Variants in ALDH5A1 observed in about 807,000 individuals in gnomAD.
The protein encoded by ALDH5A1 is aldehyde dehydrogenase 5 family member A1, also known as succinate-semialdehyde dehydrogenase, mitochondrial.
In ALDH5A1, 33 loss-of-function variants were observed where a neutral mutation model predicts 54.7. That is an observed-to-expected ratio of 0.60 (90% CI 0.46 to 0.81). The LOEUF is 0.81. Among genes scored for constraint, ALDH5A1 ranks in the 30% least tolerant of loss-of-function variants. The pLI, the probability that ALDH5A1 is intolerant of heterozygous loss-of-function variation, is 0.00. For missense variants in ALDH5A1, 657 were observed against 711.0 expected (o/e 0.92, Z 0.86); for synonymous variants, 294 against 292.7 (o/e 1.00, Z -0.05).
rs748783975 is a variant in ALDH5A1 at position 24,504,881 on chromosome 6, A to G, written c.622A>G (p.Ser208Gly). Residue 208 changes from serine to glycine, a missense_variant, in exon 4 of 10, where the codon AGT becomes GGT. By Grantham distance (56) the Ser-to-Gly change is moderately conservative. This residue lies in a region of ALDH5A1 where 425 missense variants were observed against 516.4 expected (regional missense o/e 0.82). Coordinates refer to ENST00000357578, the MANE Select transcript of ALDH5A1 (RefSeq NM_001080.3). Reference sequence around the variant, plus strand: ...CTTCTAACCCCAGTGGAATTTCCCCAGTGCCATGATCACCCGGAAGGTGGG... The same window carrying G: ...CTTCTAACCCCAGTGGAATTTCCCCGGTGCCATGATCACCCGGAAGGTGGG... ...AAVITPWNFPSAMITRKVGAA... is the reference protein window; with the variant it reads ...AAVITPWNFPGAMITRKVGAA... 6.2e-7 allele frequency: 1 copy of G among 1,614,176 alleles called. No individual in the cohort carries two copies. Among genetic ancestry groups the G allele is most frequent in the East Asian group, 2.2e-5 (1 of 44,876 alleles).
chr6:24,520,679 C>A (rs1345234628), intron 6 of ALDH5A1, 135 bp downstream of exon 6: 2 of 1,318,600 alleles, frequency 1.5e-6, no homozygotes, highest in African/African-American at 2.9e-5. Flanking sequence ...ATCCCACCAC[C>A]TCTACTGCCT....
At chr6:24,514,734 AAAAAAG>A (rs1759527785) in intron 4 of ALDH5A1, among the ~76,000 whole-genome samples, 1 of 152,082 alleles carries the variant, frequency 6.6e-6, no homozygotes, top group African/African-American at 2.4e-5. Flanking sequence ...TCTTAAAAAA[AAAAAAG>A]AAAGAAAGAA....
intron 4 of ALDH5A1, among the ~76,000 whole-genome samples, chr6:24,508,325 G>A (rs1281897264): frequency 3.2e-5 from 4 of 124,104 alleles, no homozygotes; most frequent in African/African-American, 9.5e-5. Flanking sequence ...TCATGCCACC[G>A]TACTCCAGCC....
chr6:24,518,682 TA>T lies in ALDH5A1; in HGVS notation c.871-1718del, dbSNP rs1759619156. ...GTAATGTTTCAGAGAAGATTGTTACTACCATTTGATTGCTGGAATATTAACA... is the reference window on the plus strand; with the variant it reads ...GTAATGTTTCAGAGAAGATTGTTACTCCATTTGATTGCTGGAATATTAACA... On this transcript the variant is annotated intron_variant, in intron 5 of 9. Coordinates refer to ENST00000357578, the MANE Select transcript of ALDH5A1 (RefSeq NM_001080.3). The surrounding 1 kb of genome is among the most constrained non-coding windows in gnomAD (Gnocchi z 4.2). Among the ~76,000 whole-genome samples the T allele has an allele frequency of 6.6e-6, 1 of 152,254 alleles. No homozygotes were observed. The highest frequency in any genetic ancestry group is 2.4e-5 in the African/African-American group (1 of 41,466).
At chr6:24,497,964 C>T (rs112955416) in intron 1 of ALDH5A1, among the ~76,000 whole-genome samples, 2,063 of 152,158 alleles carry the variant, frequency 0.014, 21 homozygotes, top group Non-Finnish European at 0.021. Flanking sequence ...TGGGAGGCCA[C>T]GGTGGCTTGA....
chr6:24,527,465 G>A (rs918582342), intron 7 of ALDH5A1, among the ~76,000 whole-genome samples: 5 of 152,020 alleles, frequency 3.3e-5, no homozygotes, highest in Non-Finnish European at 5.9e-5. Context: ...CTAGCTACTC[G>A]GGAGGCTGAG....
In ALDH5A1 at chr6:24,536,556, C is replaced by T. The variant is rs371811543; in HGVS notation, c.*2844C>T. 2.0e-5 allele frequency: 3 copies of T among 152,304 alleles called. No individual in the cohort carries two copies. Among genetic ancestry groups the T allele is most frequent in the Middle Eastern group, 3.4e-3 (1 of 294 alleles). 9.4% of individuals were successfully genotyped at this position (152,304 alleles called of 1,614,324 possible). On this transcript the variant is annotated 3_prime_UTR_variant, in exon 10 of 10. Transcript: ENST00000357578. ...TCTAGACCAAGAGGGAGATATTGAC[C>T]TTACTTGCATTTATCCGGCATTATT... is the stretch of plus-strand genomic sequence containing the variant.
intron 4 of ALDH5A1, among the ~76,000 whole-genome samples, chr6:24,508,001 G>A (rs1040308380): frequency 2.0e-5 from 3 of 151,822 alleles, no homozygotes; most frequent in African/African-American, 7.3e-5. Context: ...CTTCCTCACA[G>A]CTTAGCTCCC....
intron 5 of ALDH5A1, among the ~76,000 whole-genome samples, chr6:24,519,501 G>GTTGCAGTAACTGGAGA (rs1759634165): frequency 1.3e-5 from 2 of 151,998 alleles, no homozygotes; most frequent in Non-Finnish European, 2.9e-5. Context: ...GAAGGTGGAG[G>GTTGCAGTAACTGGAGA]TTGCAGTAAC....
At chr6:24,514,414 CTT>C (rs1238142586) in intron 4 of ALDH5A1, among the ~76,000 whole-genome samples, 64 of 152,216 alleles carry the variant, frequency 4.2e-4, no homozygotes, top group African/African-American at 1.5e-3. Context: ...TTATTTGCTT[CTT>C]TATTAGTTTG....
In ALDH5A1 at chr6:24,503,427, C is replaced by A. The variant is rs145003796; in HGVS notation, c.603C>A (p.Ile201=). ...AGCCCATAGGCGTGGCTGCAGTCAT[C>A]ACCCCGGTAGGTGACAGGATCAGCA... ...LKQPIGVAAV[I]TPWNFPSAMI... Residue 201 remains isoleucine (I), a synonymous_variant, in exon 3 of 10, where the codon ATC becomes ATA. Transcript: ENST00000357578. 1 of 1,612,252 alleles carries A rather than the reference C, an allele frequency of 6.2e-7. No individual in the cohort carries two copies. Among genetic ancestry groups the A allele is most frequent in the African/African-American group, 1.3e-5 (1 of 74,916 alleles).
At chr6:24,511,430 A>T (rs1425932597) in intron 4 of ALDH5A1, among the ~76,000 whole-genome samples, 3 of 152,130 alleles carry the variant, frequency 2.0e-5, no homozygotes, top group Non-Finnish European at 4.4e-5. Context: ...AACTTTTAGA[A>T]TTCTCTTCTT....
rs1760059385 is a variant in ALDH5A1, at chr6:24,536,814, G to A, written c.*3102G>A. ...TTTTAAATATGATTTTATGTGAAGT[G>A]CCATTTCTTTATTCTACTAAAGAGA... is the stretch of plus-strand genomic sequence containing the variant. On this transcript the variant is annotated 3_prime_UTR_variant, in exon 10 of 10. Coordinates refer to ENST00000357578, the MANE Select transcript of ALDH5A1 (RefSeq NM_001080.3). The A allele has an allele frequency of 6.6e-6, 1 of 152,620 alleles. No homozygotes were observed. Among genetic ancestry groups the A allele is most frequent in the South Asian group, 2.1e-4 (1 of 4,826 alleles). 9.5% of individuals were successfully genotyped at this position (152,620 alleles called of 1,614,324 possible). A position where few individuals can be genotyped will look rare whatever the true frequency, so the allele number is the denominator to read the frequency against.
At chr6:24,530,825 A>C (rs1467687707) in intron 8 of ALDH5A1, among the ~76,000 whole-genome samples, 2 of 152,190 alleles carry the variant, frequency 1.3e-5, no homozygotes, top group Admixed American at 6.5e-5. Flanking sequence ...TACCTGTAGC[A>C]ATGTCGCATT....
In ALDH5A1 at chr6:24,515,163, A is replaced by G; in HGVS notation, c.727-4A>G. On this transcript the variant is annotated splice_region_variant and splice_polypyrimidine_tract_variant and intron_variant, in intron 4 of 9. Transcript: ENST00000357578. ...TGGCACATGTTTGCTGTTTCTCTTT[A>G]TAGCTTGCAAGCCAGGCTGGGATTC... The G allele has an allele frequency of 7.3e-7, 1 of 1,361,340 alleles. No individual in the cohort carries two copies. Among genetic ancestry groups the G allele is most frequent in the Non-Finnish European group, 9.5e-7 (1 of 1,048,652 alleles). 84.3% of individuals were successfully genotyped at this position (1,361,340 alleles called of 1,614,324 possible).
At position 24,524,787 on chromosome 6, in the gene ALDH5A1, C is replaced by G. The variant is rs1561877609; in HGVS notation, c.1173+1862C>G. On this transcript the variant is annotated intron_variant, in intron 7 of 9. Transcript: ENST00000357578. Reference sequence around the variant, plus strand: ...GTCTAGGCCAGCTGTGGTTCAAGTCCTAGAGTGGTGGTCCTTAACTCACAC... The same window carrying G: ...GTCTAGGCCAGCTGTGGTTCAAGTCGTAGAGTGGTGGTCCTTAACTCACAC... Among the ~76,000 whole-genome samples, 4 of 152,300 alleles carry G rather than the reference C, an allele frequency of 2.6e-5. No homozygotes were observed. The South Asian group carries it at 6.2e-4, about 24-fold the overall frequency.
intron 1 of ALDH5A1, among the ~76,000 whole-genome samples, chr6:24,498,003 A>T (rs1479324555): frequency 7.2e-6 from 1 of 138,938 alleles, no homozygotes; most frequent in African/African-American, 2.7e-5. Context: ...GACAAGGTGA[A>T]GAGTTATCCC....
At chr6:24,524,246 A>G (rs1759759972) in intron 7 of ALDH5A1, among the ~76,000 whole-genome samples, 1 of 152,138 alleles carries the variant, frequency 6.6e-6, no homozygotes, top group African/African-American at 2.4e-5. Context: ...CGGCCTCCCA[A>G]AGTGCTGGGA....
chr6:24,495,414 T>C (rs1313438431), intron 1 of ALDH5A1, 64 bp downstream of exon 1: 1 of 1,472,650 alleles, frequency 6.8e-7, no homozygotes, highest in Non-Finnish European at 9.1e-7. Flanking sequence ...CAGAGGGGGC[T>C]TTACCCCAAA....
Sources: gnomAD v4.1 joint callset for allele counts (sites outside exome capture counted in the v4.1 genomes callset) on GRCh38, gnomAD v4.1.1 for gene constraint, gnomAD v4.1.1 regional missense constraint, Gnocchi (gnomAD v3.1) non-coding constraint, MANE v1.5 for transcripts, NCBI Gene and HGNC (gene_info 2026-07-23, HGNC 2026-07-21) for gene names.